Variants in TMEM117 observed in about 807,000 individuals in gnomAD.
TMEM117 encodes the protein transmembrane protein 117.
Under a neutral mutation model 52.4 loss-of-function variants are expected in TMEM117, and 27 were observed. The ratio of observed to expected loss-of-function variants is 0.51; its 90% CI spans 0.38 to 0.71. TMEM117 has a LOEUF of 0.71. Ranked by LOEUF, TMEM117 falls within the 30% of genes least tolerant of loss-of-function variation. TMEM117 has a pLI of 0.00. For missense variants in TMEM117, 556 were observed against 630.5 expected (o/e 0.88, Z 1.26); for synonymous variants, 215 against 206.3 (o/e 1.04, Z -0.36).
At chr12:43,844,594 C>A in intron 1 of TMEM117, 30 bp from the exon 2 acceptor site, 1 of 1,560,178 alleles carries the variant, frequency 6.4e-7, no homozygotes, top group South Asian at 1.2e-5. Flanking sequence ...TGTTTTCCTC[C>A]TCTAACCCTA....
chr12:44,266,976 T>TA (rs2138555829), intron 5 of TMEM117, among the ~76,000 whole-genome samples: 1 of 152,204 alleles, frequency 6.6e-6, no homozygotes, highest in South Asian at 2.1e-4. Flanking sequence ...TGCCTATGTA[T>TA]ATATCTTTCT....
At chr12:44,221,945 C>T (rs1430808454) in intron 5 of TMEM117, among the ~76,000 whole-genome samples, 11 of 152,046 alleles carry the variant, frequency 7.2e-5, no homozygotes, top group South Asian at 2.1e-4. Flanking sequence ...GTAATCCGCC[C>T]GCCTTAGCCT....
chr12:44,318,054 A>T (rs929159202), intron 6 of TMEM117, among the ~76,000 whole-genome samples: 4 of 151,924 alleles, frequency 2.6e-5, no homozygotes, highest in African/African-American at 9.7e-5. Flanking sequence ...GACGGCCCGA[A>T]CTCCTAATCC....
At chr12:44,273,297 A>G (rs958531898) in intron 5 of TMEM117, among the ~76,000 whole-genome samples, 3 of 152,134 alleles carry the variant, frequency 2.0e-5, no homozygotes, top group Middle Eastern at 3.4e-3. Context: ...GCACACCAAC[A>G]TGGCATATGT....
intron 4 of TMEM117, among the ~76,000 whole-genome samples, chr12:44,203,605 T>C (rs1287265984): frequency 1.3e-5 from 2 of 152,196 alleles, no homozygotes; most frequent in African/African-American, 4.8e-5. Flanking sequence ...AAATTTCCAG[T>C]TAACACTGCC....
At chr12:43,933,273 C>T (rs1167787405) in intron 2 of TMEM117, among the ~76,000 whole-genome samples, 2 of 151,340 alleles carry the variant, frequency 1.3e-5, no homozygotes, top group African/African-American at 4.9e-5. Context: ...GATCTCGGCT[C>T]ACTGCAGGCT....
chr12:44,327,310 C>G (rs1365396053), intron 6 of TMEM117, among the ~76,000 whole-genome samples: 1 of 152,020 alleles, frequency 6.6e-6, no homozygotes, highest in Non-Finnish European at 1.5e-5. Flanking sequence ...TTTGGTAATA[C>G]AGTGTTTAGG....
chr12:44,344,045 AGGTAATG>A (rs570862485), intron 6 of TMEM117, among the ~76,000 whole-genome samples: 395 of 152,228 alleles, frequency 2.6e-3, no homozygotes, highest in Non-Finnish European at 3.9e-3. Flanking sequence ...CTGAGCACAA[AGGTAATG>A]GGTGGTAAAT....
At chr12:44,214,504 G>C (rs1486005835) in intron 5 of TMEM117, among the ~76,000 whole-genome samples, 1 of 151,972 alleles carries the variant, frequency 6.6e-6, no homozygotes, top group Non-Finnish European at 1.5e-5. Flanking sequence ...TGATAACATA[G>C]CCCAGTGGGT....
At chr12:44,061,944 T>C (rs1486033622) in intron 3 of TMEM117, among the ~76,000 whole-genome samples, 3 of 151,912 alleles carry the variant, frequency 2.0e-5, no homozygotes, top group Admixed American at 1.3e-4. Flanking sequence ...AAAGAGAAGG[T>C]TGGGGAAAAT....
chr12:43,942,662 G>C (rs1565761424), intron 2 of TMEM117, among the ~76,000 whole-genome samples: 1 of 151,708 alleles, frequency 6.6e-6, no homozygotes, highest in East Asian at 1.9e-4. Context: ...CTAGGATAAT[G>C]TTTCTGTTAG....
chr12:44,196,793 T>C (rs529233194), intron 4 of TMEM117, among the ~76,000 whole-genome samples: 2 of 152,334 alleles, frequency 1.3e-5, no homozygotes, highest in East Asian at 3.9e-4. Context: ...CAATAAAATA[T>C]AGAAGCAGTG....
chr12:44,189,531 G>A (rs2138338648), intron 4 of TMEM117, among the ~76,000 whole-genome samples: 1 of 152,088 alleles, frequency 6.6e-6, no homozygotes, highest in African/African-American at 2.4e-5. Context: ...TAACTTACTT[G>A]TTATGTGCAA....
rs1376994538 is a variant in TMEM117 at position 43,878,814 on chromosome 12, T to TG, written c.277+33887dup. Among the ~76,000 whole-genome samples the TG allele has an allele frequency of 3.9e-5, 6 of 152,328 alleles. No homozygotes were observed. The South Asian group carries it at 1.2e-3, about 32-fold the overall frequency. Reference sequence around the variant, plus strand: ...TATTTGGAAAAGTAAAATTGGTTATTGCTCATGGAAAAAATCTTGATCATT... The same window carrying TG: ...TATTTGGAAAAGTAAAATTGGTTATTGGCTCATGGAAAAAATCTTGATCATT... On this transcript the variant is annotated intron_variant, in intron 2 of 7. Transcript: ENST00000266534.
At chr12:44,357,380 C>G (rs781478569) in intron 6 of TMEM117, among the ~76,000 whole-genome samples, 3 of 152,056 alleles carry the variant, frequency 2.0e-5, no homozygotes, top group Non-Finnish European at 4.4e-5. Flanking sequence ...GTCCCCAGAG[C>G]CTCACATGGG....
chr12:44,216,005 C>CTTTTTTT (rs778425747), intron 5 of TMEM117, among the ~76,000 whole-genome samples: 29 of 110,806 alleles, frequency 2.6e-4, no homozygotes, highest in African/African-American at 8.9e-4. Flanking sequence ...TTCTTTCTTT[C>CTTTTTTT]TTTTTTTTTT....
At chr12:44,028,963 C>T (rs1946588457) in intron 3 of TMEM117, among the ~76,000 whole-genome samples, 1 of 152,246 alleles carries the variant, frequency 6.6e-6, no homozygotes, top group South Asian at 2.1e-4. Flanking sequence ...GGTCCAGTAA[C>T]TTCTTTCTGG....
chr12:44,013,434 GT>G (rs1946326903), intron 3 of TMEM117, among the ~76,000 whole-genome samples: 1 of 152,194 alleles, frequency 6.6e-6, no homozygotes, highest in Non-Finnish European at 1.5e-5. Flanking sequence ...GTGGTCTGGA[GT>G]TAGGTATTTC....
chr12:43,836,444 T>C (rs776769643), intron 1 of TMEM117, among the ~76,000 whole-genome samples: 6 of 151,680 alleles, frequency 4.0e-5, no homozygotes, highest in Non-Finnish European at 7.4e-5. Context: ...GCCAGCCCTC[T>C]GGCTAAGGGC....
Sources: allele counts gnomAD v4.1 joint callset (sites outside exome capture counted in the v4.1 genomes callset), GRCh38; gene constraint gnomAD v4.1.1; transcripts MANE v1.5; gene names NCBI Gene and HGNC (gene_info 2026-07-23, HGNC 2026-07-21).